AKT3: variants seen among roughly 807,000 people sequenced by gnomAD.
AKT3 encodes the protein RAC-gamma serine/threonine-protein kinase.
AKT3 carries 15 observed loss-of-function variants against 65.3 expected under a neutral mutation model. That is an observed-to-expected ratio of 0.23 (90% CI 0.15 to 0.35). AKT3 has a LOEUF of 0.35. Among genes scored for constraint, AKT3 ranks in the 10% least tolerant of loss-of-function variants. The probability of loss-of-function intolerance (pLI) is 1.00; values close to 1 mark genes in which losing one functional copy is unlikely to be tolerated. For missense variants in AKT3, 243 were observed against 576.5 expected (o/e 0.42, Z 5.92); for synonymous variants, 206 against 183.8 (o/e 1.12, Z -0.98).
chr1:243,537,800 C>G (rs746630795), intron 12 of AKT3, among the ~76,000 whole-genome samples: 3 of 152,226 alleles, frequency 2.0e-5, no homozygotes, highest in African/African-American at 7.2e-5. Context: ...CTATCCACCA[C>G]AGATTCCCAG....
intron 4 of AKT3, among the ~76,000 whole-genome samples, chr1:243,658,910 T>C (rs1297731149): frequency 1.3e-5 from 2 of 149,776 alleles, no homozygotes; most frequent in Non-Finnish European, 3.0e-5. Flanking sequence ...TGTGTGGCTG[T>C]AGTCCCAGCT....
At chr1:243,696,990 A>T (rs548984203) in intron 2 of AKT3, among the ~76,000 whole-genome samples, 1 of 152,120 alleles carries the variant, frequency 6.6e-6, no homozygotes, top group South Asian at 2.1e-4. Flanking sequence ...TCACCCCAAC[A>T]TGTATTTCAG....
At position 243,680,624 on chromosome 1, in the gene AKT3, T is replaced by C. The variant is rs1022641078; in HGVS notation, c.172+14967A>G. 2.8e-4 allele frequency among the ~76,000 whole-genome samples: 43 copies of C among 151,994 alleles called. 1 individual carries two copies. Among genetic ancestry groups the C allele is most frequent in the African/African-American group, 9.6e-4 (40 of 41,478 alleles). On this transcript the variant is annotated intron_variant, in intron 3 of 13. Transcript: ENST00000673466. ...AAATAAAGATATAGGGGTGAAAAAA[T>C]CAGAAAGCCAATAATTTAGCATGTA...
At chr1:243,553,985 G>A (rs538524838) in intron 10 of AKT3, among the ~76,000 whole-genome samples, 60 of 152,208 alleles carry the variant, frequency 3.9e-4, no homozygotes, top group African/African-American at 4.8e-5. Flanking sequence ...ACTTACAACC[G>A]ATTACAAAGG....
chr1:243,526,636 GA>G (rs1257838082), intron 12 of AKT3, among the ~76,000 whole-genome samples: 1 of 151,708 alleles, frequency 6.6e-6, no homozygotes, highest in Non-Finnish European at 1.5e-5. Flanking sequence ...TTGCAAGGAA[GA>G]AATATTTAAA....
At chr1:243,798,359 A>G (rs1308532200) in intron 2 of AKT3, among the ~76,000 whole-genome samples, 4 of 146,872 alleles carry the variant, frequency 2.7e-5, no homozygotes, top group Non-Finnish European at 4.5e-5. Context: ...AGCTGGGACT[A>G]CAGGCATGCA....
At chr1:243,752,982 T>C (rs993899922) in intron 2 of AKT3, among the ~76,000 whole-genome samples, 1 of 152,184 alleles carries the variant, frequency 6.6e-6, no homozygotes, top group Non-Finnish European at 1.5e-5. Context: ...CCTTTCCCAA[T>C]ACATAGTCTT....
At chr1:243,531,808 G>A (rs1671549807) in intron 12 of AKT3, among the ~76,000 whole-genome samples, 1 of 151,904 alleles carries the variant, frequency 6.6e-6, no homozygotes, top group African/African-American at 2.4e-5. Flanking sequence ...TTTTGTAGTC[G>A]GTAGTGTATA....
rs144739924 is a variant in AKT3 at position 243,750,132 on chromosome 1, T to C, written c.47-54416A>G. The stretch of plus-strand genomic sequence containing the variant: ...AAGTGCTTCAGTTTCTAAATAGAAA[T>C]TGATTTGCCTATGAATTTAGCTCAA... On this transcript the variant is annotated intron_variant, in intron 2 of 13. Coordinates refer to ENST00000673466, the MANE Select transcript of AKT3 (RefSeq NM_005465.7). 7.9e-5 allele frequency among the ~76,000 whole-genome samples: 12 copies of C among 152,276 alleles called. No individual in the cohort carries two copies. The East Asian group carries it at 1.9e-3, about 24-fold the overall frequency.
chr1:243,700,045 G>A (rs959698342), intron 2 of AKT3, among the ~76,000 whole-genome samples: 2 of 151,988 alleles, frequency 1.3e-5, no homozygotes, highest in African/African-American at 4.8e-5. Flanking sequence ...CCAGAATTGT[G>A]GCAGAATAAA....
At chr1:243,615,915 A>AT (rs1452570785) in intron 6 of AKT3, among the ~76,000 whole-genome samples, 2 of 151,420 alleles carry the variant, frequency 1.3e-5, no homozygotes, top group African/African-American at 4.9e-5. Flanking sequence ...TTCCTTATTT[A>AT]TTTTTTTAGA....
chr1:243,807,693 C>T (rs1692831798), intron 2 of AKT3, among the ~76,000 whole-genome samples: 1 of 152,216 alleles, frequency 6.6e-6, no homozygotes, highest in East Asian at 1.9e-4. Context: ...TAGTGGTTCT[C>T]CCAGCACAGA....
intron 3 of AKT3, among the ~76,000 whole-genome samples, chr1:243,671,256 T>A (rs957931956): frequency 6.6e-6 from 1 of 152,072 alleles, no homozygotes; most frequent in Non-Finnish European, 1.5e-5. Context: ...TTTTTTGTAT[T>A]TTTAGTAGAG....
chr1:243,654,641 T>C lies in AKT3; in HGVS notation c.285-8604A>G, dbSNP rs114103547. Among the ~76,000 whole-genome samples, 455 of 152,298 alleles carry C rather than the reference T, an allele frequency of 3.0e-3. 5 individuals carry two copies. The highest frequency in any genetic ancestry group is 0.01 in the African/African-American group (425 of 41,564). On this transcript the variant is annotated intron_variant, in intron 4 of 13. Coordinates refer to ENST00000673466, the MANE Select transcript of AKT3 (RefSeq NM_005465.7). ...GCCTCTTTCAATTTTTTACTGAAAATATTTTCATTTTACTTTTATTCATGG... is the reference window on the plus strand; with the variant it reads ...GCCTCTTTCAATTTTTTACTGAAAACATTTTCATTTTACTTTTATTCATGG...
chr1:243,798,393 A>ATTTTTTTTTTT lies in AKT3; in HGVS notation c.46+44721_46+44731dup, dbSNP rs759264137. ...CACCACTACACCTGGCTAATTTTTA[A>ATTTTTTTTTTT]TTTTTTTTTTTTTTTTTTTTTTTTG... On this transcript the variant is annotated intron_variant, in intron 2 of 13. Transcript: ENST00000673466. Among the ~76,000 whole-genome samples the ATTTTTTTTTTT allele has an allele frequency of 5.4e-3, 453 of 83,350 alleles. 1 individual carries two copies. Among genetic ancestry groups the ATTTTTTTTTTT allele is most frequent in the Middle Eastern group, 0.016 (1 of 64 alleles). 54.7% of individuals were successfully genotyped at this position (83,350 alleles called of 152,430 possible).
At chr1:243,596,420 T>C (rs1201782154) in intron 8 of AKT3, among the ~76,000 whole-genome samples, 2 of 152,102 alleles carry the variant, frequency 1.3e-5, no homozygotes, top group Non-Finnish European at 2.9e-5. Context: ...AACCGAATAA[T>C]AGGTGAAATA....
chr1:243,779,718 A>C (rs1031679483), intron 2 of AKT3, among the ~76,000 whole-genome samples: 1 of 152,076 alleles, frequency 6.6e-6, no homozygotes, highest in Non-Finnish European at 1.5e-5. Context: ...AGTTAATACT[A>C]TTTTCCACTA....
At chr1:243,668,236 T>G (rs1045301544) in intron 3 of AKT3, among the ~76,000 whole-genome samples, 2 of 152,220 alleles carry the variant, frequency 1.3e-5, no homozygotes, top group African/African-American at 4.8e-5. Context: ...AAGGTAATTT[T>G]GATGCTACCA....
chr1:243,631,346 C>G (rs773943943), intron 6 of AKT3, among the ~76,000 whole-genome samples: 1 of 152,164 alleles, frequency 6.6e-6, no homozygotes, highest in African/African-American at 2.4e-5. Context: ...AAGTCTTGCT[C>G]TGGCACCCAG....
Sources: gnomAD v4.1 joint callset for allele counts (sites outside exome capture counted in the v4.1 genomes callset) on GRCh38, gnomAD v4.1.1 for gene constraint, MANE v1.5 for transcripts, NCBI Gene and HGNC (gene_info 2026-07-23, HGNC 2026-07-21) for gene names.